The following CLDN11 variants were observed in gnomAD, a reference collection of about 807,000 sequenced individuals.
CLDN11 encodes the protein claudin 11, also known as claudin-11.
CLDN11 carries 1 observed loss-of-function variant against 18.0 expected under a neutral mutation model. The ratio of observed to expected loss-of-function variants is 0.06; its 90% CI spans 0.02 to 0.26. CLDN11 has a LOEUF of 0.26. CLDN11 is among the 10% of genes least tolerant of loss of function. The pLI is 1.00. For synonymous variants in CLDN11, 116 were observed against 121.5 expected (o/e 0.96, Z 0.30); for missense variants, 172 against 276.6 (o/e 0.62, Z 2.68).
In CLDN11 at chr3:170,419,061, G is replaced by A; in HGVS notation, c.-6G>A. Reference sequence around the variant, plus strand: ...GGCGAGGCACGGGGACATCCTGGCGGCCACCATGGTGGCCACGTGCCTGCA... The same window carrying A: ...GGCGAGGCACGGGGACATCCTGGCGACCACCATGGTGGCCACGTGCCTGCA... On this transcript the variant is annotated 5_prime_UTR_variant, in exon 1 of 3. Transcript: ENST00000064724. This position sits in a 1 kb window ranked among gnomAD's most constrained non-coding sequence, Gnocchi z 8.6. The A allele has an allele frequency of 6.5e-7, 1 of 1,547,680 alleles. No individual in the cohort carries two copies. Among genetic ancestry groups the A allele is most frequent in the Non-Finnish European group, 8.7e-7 (1 of 1,145,070 alleles).
chr3:170,421,332 C>G, intron 1 of CLDN11: 1 of 984,042 alleles, frequency 1.0e-6, no homozygotes, highest in Non-Finnish European at 1.2e-6. Flanking sequence ...TGACTGCCTG[C>G]TTTGTGTGAG....
intron 2 of CLDN11, among the ~76,000 whole-genome samples, chr3:170,431,867 G>A (rs777025783): frequency 1.1e-4 from 17 of 152,184 alleles, no homozygotes; most frequent in Admixed American, 1.3e-4. Flanking sequence ...ATAAAAACTT[G>A]AACCTTTATC....
At chr3:170,425,382 C>T (rs1245971047) in intron 2 of CLDN11, among the ~76,000 whole-genome samples, 1 of 152,062 alleles carries the variant, frequency 6.6e-6, no homozygotes, top group African/African-American at 2.4e-5. Flanking sequence ...TGAGAGAACA[C>T]ACTAAAACAA....
intron 1 of CLDN11, chr3:170,421,172 G>T: frequency 2.3e-6 from 1 of 427,966 alleles, no homozygotes; most frequent in Non-Finnish European, 3.1e-6. Context: ...GTGGGGGGCG[G>T]CGCTAGTCCT....
intron 2 of CLDN11, among the ~76,000 whole-genome samples, chr3:170,430,276 A>G (rs1182879246): frequency 6.6e-6 from 1 of 152,214 alleles, no homozygotes; most frequent in East Asian, 1.9e-4. Context: ...TAGCCAAGCA[A>G]TTCTCCAAGA....
intron 2 of CLDN11, among the ~76,000 whole-genome samples, chr3:170,424,982 A>C (rs1191128427): frequency 1.3e-5 from 2 of 151,972 alleles, no homozygotes; most frequent in African/African-American, 2.4e-5. Flanking sequence ...AAGGCCACTA[A>C]TTTCCAGAGA....
At chr3:170,425,896 C>T (rs1738841353) in intron 2 of CLDN11, among the ~76,000 whole-genome samples, 1 of 152,228 alleles carries the variant, frequency 6.6e-6, no homozygotes, top group South Asian at 2.1e-4. Flanking sequence ...TCAAGCATGG[C>T]ACCTGCTGAT....
At chr3:170,421,715 A>T (rs1021765794) in intron 1 of CLDN11, among the ~76,000 whole-genome samples, 1 of 152,152 alleles carries the variant, frequency 6.6e-6, no homozygotes, top group Non-Finnish European at 1.5e-5. Context: ...TTTTAAGAGG[A>T]GGGAGAGTTT....
At chr3:170,423,555 A>G (rs76755424) in intron 2 of CLDN11, 11,500 of 527,474 alleles carry the variant, frequency 0.022, 207 homozygotes, top group East Asian at 0.067. Flanking sequence ...GTTTAAAAAG[A>G]GAAAGAGGAT....
At chr3:170,425,038 G>A (rs1738817738) in intron 2 of CLDN11, among the ~76,000 whole-genome samples, 1 of 152,158 alleles carries the variant, frequency 6.6e-6, no homozygotes, top group Non-Finnish European at 1.5e-5. Context: ...AAGAATTTGT[G>A]TGCCAGCGTC....
At chr3:170,428,206 T>C (rs906059067) in intron 2 of CLDN11, among the ~76,000 whole-genome samples, 9 of 152,176 alleles carry the variant, frequency 5.9e-5, no homozygotes, top group Non-Finnish European at 1.3e-4. Context: ...ATCTTGTCTT[T>C]CTCTGCCTCT....
intron 2 of CLDN11, among the ~76,000 whole-genome samples, chr3:170,425,981 G>A (rs890208716): frequency 6.6e-6 from 1 of 152,198 alleles, no homozygotes; most frequent in Non-Finnish European, 1.5e-5. Context: ...GGAGCATGGG[G>A]ACTGAAGGCT....
chr3:170,423,122 C>G (rs765803426), intron 1 of CLDN11, 41 bp from the exon 2 acceptor site: 3 of 1,610,908 alleles, frequency 1.9e-6, no homozygotes, highest in South Asian at 2.2e-5. Context: ...AGCAAGAGAA[C>G]CCTGTGGTCT....
rs1011994192 is a variant in CLDN11, at chr3:170,419,922, C to T, written c.226+630C>T. ...CACGTGCCCAGGGCCATCTCCGCTG[C>T]CCCCGCTACCCCCGCCCCTGCTGTG... On this transcript the variant is annotated intron_variant, in intron 1 of 2. Transcript: ENST00000064724. The surrounding 1 kb of genome is among the most constrained non-coding windows in gnomAD (Gnocchi z 8.6). Among the ~76,000 whole-genome samples, 2 of 152,260 alleles carry T rather than the reference C, an allele frequency of 1.3e-5. No individual in the cohort carries two copies. The highest frequency in any genetic ancestry group is 4.8e-5 in the African/African-American group (2 of 41,476).
chr3:170,423,057 C>G, intron 1 of CLDN11, 106 bp from the exon 2 acceptor site: 1 of 1,225,744 alleles, frequency 8.2e-7, no homozygotes, highest in Non-Finnish European at 1.2e-6. Context: ...TCCTGGAATC[C>G]ACCAAGAAGG....
At chr3:170,426,580 T>G (rs1292325637) in intron 2 of CLDN11, among the ~76,000 whole-genome samples, 1 of 152,206 alleles carries the variant, frequency 6.6e-6, no homozygotes, top group Non-Finnish European at 1.5e-5. Flanking sequence ...CTCTGGTCCC[T>G]TCCATAAAAT....
chr3:170,430,609 G>T (rs1738975547), intron 2 of CLDN11, among the ~76,000 whole-genome samples: 1 of 151,128 alleles, frequency 6.6e-6, no homozygotes, highest in South Asian at 2.1e-4. Context: ...CAAGATCTCC[G>T]CTCACTGCAT....
rs368710254 is a variant in CLDN11, at chr3:170,432,475, T to C, written c.392-49T>C. The C allele has an allele frequency of 4.0e-5, 64 of 1,606,756 alleles. No individual in the cohort carries two copies. The African/African-American group carries it at 8.3e-4, about 21-fold the overall frequency. On this transcript the variant is annotated intron_variant, in intron 2 of 2. Transcript: ENST00000064724. ...GGAGTGAGTGGGCCTGCCCAAGTGCTTGGTGTGTGATGGTTGCGCCCAGTC... is the reference window on the plus strand; with the variant it reads ...GGAGTGAGTGGGCCTGCCCAAGTGCCTGGTGTGTGATGGTTGCGCCCAGTC...
In CLDN11 at chr3:170,419,023, C is replaced by G. The variant is rs1298385998; in HGVS notation, c.-44C>G. On this transcript the variant is annotated 5_prime_UTR_variant, in exon 1 of 3. Coordinates refer to ENST00000064724, the MANE Select transcript of CLDN11 (RefSeq NM_005602.6). This position sits in a 1 kb window ranked among gnomAD's most constrained non-coding sequence, Gnocchi z 8.6. The stretch of plus-strand genomic sequence containing the variant: ...AGGCACTGTCCAGCCCAGGCCCAGG[C>G]ACAGCCGTGAGGGGCGAGGCACGGG... 6.9e-7 allele frequency: 1 copy of G among 1,439,326 alleles called. No homozygotes were observed. Among genetic ancestry groups the G allele is most frequent in the Non-Finnish European group, 9.5e-7 (1 of 1,047,882 alleles). 89.2% of individuals were successfully genotyped at this position (1,439,326 alleles called of 1,614,324 possible).
Sources: allele counts gnomAD v4.1 joint callset (sites outside exome capture counted in the v4.1 genomes callset), GRCh38; gene constraint gnomAD v4.1.1; non-coding constraint Gnocchi (gnomAD v3.1); transcripts MANE v1.5; gene names NCBI Gene and HGNC (gene_info 2026-07-23, HGNC 2026-07-21).